GPC5: variants seen among roughly 807,000 people sequenced by gnomAD.
GPC5 encodes glypican 5.
Under a neutral mutation model 53.9 loss-of-function variants are expected in GPC5, and 47 were observed. The observed-to-expected ratio is 0.87, with a 90% CI of 0.69 to 1.11. The LOEUF (loss-of-function observed/expected upper bound fraction) is 1.11, where lower values mean the gene tolerates loss of function less well. Among genes scored for constraint, GPC5 ranks in the 50% most tolerant of loss-of-function variants. The probability of loss-of-function intolerance (pLI) is 0.00; values close to 1 mark genes in which losing one functional copy is unlikely to be tolerated. For missense variants in GPC5, 748 were observed against 713.1 expected (o/e 1.05, Z -0.56); for synonymous variants, 286 against 263.3 (o/e 1.09, Z -0.84).
At position 92,589,520 on chromosome 13, in the gene GPC5, T is replaced by C. The variant is rs180673017; in HGVS notation, c.1562-276762T>C. ...CATGATTTCTTTTATTTTAAAATCATAAAAAATGTTTTATTCTTCCTAAAC... is the reference window on the plus strand; with the variant it reads ...CATGATTTCTTTTATTTTAAAATCACAAAAAATGTTTTATTCTTCCTAAAC... On this transcript the variant is annotated intron_variant, in intron 7 of 7. Transcript: ENST00000377067. Among the ~76,000 whole-genome samples the C allele has an allele frequency of 6.8e-4, 103 of 152,326 alleles. 1 individual carries two copies. Among genetic ancestry groups the C allele is most frequent in the Non-Finnish European group, 3.4e-4 (23 of 68,022 alleles).
chr13:92,435,256 C>T (rs1468855069), intron 7 of GPC5, among the ~76,000 whole-genome samples: 2 of 151,980 alleles, frequency 1.3e-5, no homozygotes, highest in South Asian at 2.1e-4. Flanking sequence ...ATATAGTATC[C>T]CCTTATTTTT....
Position 91,398,948 on chromosome 13 carries a change from G to C in GPC5, c.-99G>C, listed in dbSNP as rs1363294272. 1.7e-5 allele frequency: 24 copies of C among 1,436,020 alleles called. No homozygotes were observed. The highest frequency in any genetic ancestry group is 2.0e-5 in the Non-Finnish European group (22 of 1,083,318). The allele number at this position is 1,436,020 out of a possible 1,614,324, so 89.0% of individuals were successfully genotyped here. On this transcript the variant is annotated 5_prime_UTR_variant, in exon 1 of 8. Coordinates refer to ENST00000377067, the MANE Select transcript of GPC5 (RefSeq NM_004466.6). ...ACCCCGCAGCCGGCTCGCACCGCTC[G>C]AGAGCCTCGGCCGCTGTGTCTTCCA...
chr13:91,558,534 A>G (rs1566503421), intron 2 of GPC5, among the ~76,000 whole-genome samples: 1 of 151,954 alleles, frequency 6.6e-6, no homozygotes, highest in Non-Finnish European at 1.5e-5. Flanking sequence ...GGAAGAAGGG[A>G]CTTTGTTCTG....
At chr13:92,148,722 C>T (rs1034056150) in intron 7 of GPC5, among the ~76,000 whole-genome samples, 1 of 152,052 alleles carries the variant, frequency 6.6e-6, no homozygotes, top group Non-Finnish European at 1.5e-5. Flanking sequence ...ACCTGCCATT[C>T]TTTCACAGTA....
At chr13:92,269,657 C>T (rs2042826802) in intron 7 of GPC5, among the ~76,000 whole-genome samples, 1 of 152,140 alleles carries the variant, frequency 6.6e-6, no homozygotes, top group Non-Finnish European at 1.5e-5. Context: ...CTGCCCGCCT[C>T]AGCCTCCCAA....
intron 7 of GPC5, among the ~76,000 whole-genome samples, chr13:92,760,006 G>A (rs1280774784): frequency 6.6e-6 from 1 of 152,078 alleles, no homozygotes; most frequent in African/African-American, 2.4e-5. Flanking sequence ...TTAGTGTGAT[G>A]TATAACATTG....
intron 2 of GPC5, among the ~76,000 whole-genome samples, chr13:91,500,133 TC>T (rs1249528831): frequency 6.6e-6 from 1 of 152,232 alleles, no homozygotes; most frequent in African/African-American, 2.4e-5. Context: ...CTTATGCTCC[TC>T]ATTTTATTTA....
intron 2 of GPC5, among the ~76,000 whole-genome samples, chr13:91,661,685 G>A (rs1044133777): frequency 2.0e-5 from 3 of 152,304 alleles, no homozygotes; most frequent in South Asian, 2.1e-4. Context: ...AGGCCATGAG[G>A]ACATCTAGGG....
intron 2 of GPC5, among the ~76,000 whole-genome samples, chr13:91,582,621 A>G (rs1652018704): frequency 6.6e-6 from 1 of 152,224 alleles, no homozygotes; most frequent in Admixed American, 6.5e-5. Context: ...ATTTAACAGC[A>G]GAAAATTATT....
chr13:91,919,607 C>A (rs988249494), intron 6 of GPC5, among the ~76,000 whole-genome samples: 7 of 152,088 alleles, frequency 4.6e-5, no homozygotes, highest in African/African-American at 1.7e-4. Context: ...TGAGACAATT[C>A]ATCTGGCAAC....
chr13:92,806,268 T>G (rs1877096717), intron 7 of GPC5, among the ~76,000 whole-genome samples: 1 of 152,106 alleles, frequency 6.6e-6, no homozygotes, highest in Non-Finnish European at 1.5e-5. Context: ...ACTTTCCCAC[T>G]GCTTTCATCC....
chr13:92,354,268 T>C (rs1036820229), intron 7 of GPC5, among the ~76,000 whole-genome samples: 2 of 152,210 alleles, frequency 1.3e-5, no homozygotes, highest in African/African-American at 4.8e-5. Context: ...TATTAAATCA[T>C]GGATTCTTTA....
intron 3 of GPC5, among the ~76,000 whole-genome samples, chr13:91,707,135 G>C (rs928192144): frequency 6.6e-6 from 1 of 151,960 alleles, no homozygotes; most frequent in African/African-American, 2.4e-5. Context: ...AATACAATTA[G>C]ACACTCTTAC....
At chr13:91,693,117 T>G in intron 2 of GPC5, 70 bp from the exon 3 acceptor site, 1 of 1,108,876 alleles carries the variant, frequency 9.0e-7, no homozygotes, top group Non-Finnish European at 1.3e-6. Flanking sequence ...TCATTTAATG[T>G]CTGGAGCAGA....
chr13:91,407,144 G>A (rs1019705595), intron 1 of GPC5, among the ~76,000 whole-genome samples: 2 of 152,054 alleles, frequency 1.3e-5, no homozygotes, highest in African/African-American at 4.8e-5. Context: ...TATTTTTTAT[G>A]CTTAATGTTA....
chr13:92,338,781 T>G (rs71427558), intron 7 of GPC5, among the ~76,000 whole-genome samples: 12,640 of 152,108 alleles, frequency 0.083, 665 homozygotes, highest in Middle Eastern at 0.15. Flanking sequence ...TATAGGGAAC[T>G]GAAATCATTT....
At chr13:91,951,743 G>T (rs1040245559) in intron 6 of GPC5, among the ~76,000 whole-genome samples, 3 of 152,098 alleles carry the variant, frequency 2.0e-5, no homozygotes, top group Non-Finnish European at 4.4e-5. Flanking sequence ...TGTCTCCAAG[G>T]TAGAAGAAAG....
chr13:92,282,916 C>T (rs1176412492), intron 7 of GPC5, among the ~76,000 whole-genome samples: 3 of 152,236 alleles, frequency 2.0e-5, no homozygotes, highest in African/African-American at 7.2e-5. Flanking sequence ...TGTAAATGGG[C>T]TAAATGCTCC....
At chr13:91,821,074 C>T (rs528963291) in intron 5 of GPC5, among the ~76,000 whole-genome samples, 10 of 151,796 alleles carry the variant, frequency 6.6e-5, no homozygotes, top group Non-Finnish European at 4.4e-5. Flanking sequence ...GGTGGGATAA[C>T]ATTCTATTCA....
Sources: gnomAD v4.1 joint callset for allele counts (sites outside exome capture counted in the v4.1 genomes callset) on GRCh38, gnomAD v4.1.1 for gene constraint, MANE v1.5 for transcripts, NCBI Gene and HGNC (gene_info 2026-07-23, HGNC 2026-07-21) for gene names.